Variants in SLC39A14 observed in about 807,000 individuals in gnomAD.
The protein encoded by SLC39A14 is solute carrier family 39 member 14.
Under a neutral mutation model 45.5 loss-of-function variants are expected in SLC39A14, and 19 were observed. That is an observed-to-expected ratio of 0.42 (90% CI 0.29 to 0.61). The LOEUF (loss-of-function observed/expected upper bound fraction) is 0.61, where lower values mean the gene tolerates loss of function less well. Among genes scored for constraint, SLC39A14 ranks in the 20% least tolerant of loss-of-function variants. SLC39A14 has a pLI of 0.22. For missense variants in SLC39A14, 447 were observed against 616.5 expected, an observed-to-expected ratio of 0.73 and a Z score of 2.91; for synonymous variants, 264 against 251.3, an observed-to-expected ratio of 1.05 and a Z score of -0.48.
intron 5 of SLC39A14, chr8:22,415,171 ATAT>A: frequency 2.5e-6 from 1 of 401,728 alleles, no homozygotes; most frequent in South Asian, 3.2e-5. Context: ...TTTCCTTAAT[ATAT>A]TTGTATCTTT....
At chr8:22,423,639 A>C (rs1024599023), downstream of SLC39A14, among the ~76,000 whole-genome samples, 2 of 150,168 alleles carry the variant, frequency 1.3e-5, no homozygotes, top group Non-Finnish European at 3.0e-5. Flanking sequence ...ATGATTTTTG[A>C]ATTTTTAATA....
intron 1 of SLC39A14, among the ~76,000 whole-genome samples, chr8:22,388,715 T>C (rs911135841): frequency 6.6e-6 from 1 of 152,014 alleles, no homozygotes; most frequent in African/African-American, 2.4e-5. Flanking sequence ...AAGCAGAGGA[T>C]GTGGGAAGGC....
intron 1 of SLC39A14, among the ~76,000 whole-genome samples, chr8:22,395,037 G>T (rs1834306435): frequency 1.3e-5 from 2 of 150,012 alleles, no homozygotes; most frequent in African/African-American, 2.5e-5. Context: ...TTGAGACAGA[G>T]TCTCACTCTG....
Position 22,420,058 on chromosome 8 carries a change from T to G in SLC39A14, c.*360T>G, listed in dbSNP as rs546591214. 222 of 1,007,720 alleles carry G rather than the reference T, an allele frequency of 2.2e-4. No individual in the cohort carries two copies. In the African/African-American group the frequency reaches 3.6e-3, roughly 16 times the overall value. 62.4% of individuals were successfully genotyped at this position (1,007,720 alleles called of 1,614,324 possible). On this transcript the variant is annotated 3_prime_UTR_variant, in exon 9 of 9. Coordinates refer to ENST00000381237, the MANE Select transcript of SLC39A14 (RefSeq NM_001128431.4). ...AATCCTTTACCCAACAATGCAAAAA[T>G]AGAGCCAATGGTTATAACTTGGCTA...
intron 4 of SLC39A14, among the ~76,000 whole-genome samples, chr8:22,412,435 C>T (rs1271904688): frequency 6.6e-6 from 1 of 152,204 alleles, no homozygotes; most frequent in South Asian, 2.1e-4. Context: ...CACCACTGAC[C>T]TCACACTGCC....
chr8:22,379,246 C>T (rs984100048), intron 1 of SLC39A14, among the ~76,000 whole-genome samples: 4 of 152,142 alleles, frequency 2.6e-5, no homozygotes, highest in Middle Eastern at 3.2e-3. Context: ...TCTTGACATC[C>T]GTAACTGATT....
At chr8:22,378,028 C>G (rs903408474) in intron 1 of SLC39A14, among the ~76,000 whole-genome samples, 1 of 152,198 alleles carries the variant, frequency 6.6e-6, no homozygotes, top group African/African-American at 2.4e-5. Flanking sequence ...AGAACTGTAG[C>G]CTAATGTTAG....
chr8:22,412,521 GTCTGCTGCAGCAC>G (rs1835633311), intron 4 of SLC39A14, among the ~76,000 whole-genome samples: 1 of 152,224 alleles, frequency 6.6e-6, no homozygotes, highest in African/African-American at 2.4e-5. Flanking sequence ...GAACGAGCGA[GTCTGCTGCAGCAC>G]TGAGTGCCTG....
intron 1 of SLC39A14, among the ~76,000 whole-genome samples, chr8:22,387,518 A>G (rs1404581425): frequency 6.6e-6 from 1 of 152,202 alleles, no homozygotes; most frequent in Non-Finnish European, 1.5e-5. Flanking sequence ...TGAAAGGGCA[A>G]GTGGAAATAC....
At chr8:22,415,568 T>G in intron 5 of SLC39A14, 1 of 530,460 alleles carries the variant, frequency 1.9e-6, no homozygotes, top group Non-Finnish European at 3.3e-6. Context: ...AGTGCTGGGA[T>G]TACAGGTGTG....
intron 1 of SLC39A14, among the ~76,000 whole-genome samples, chr8:22,401,541 T>TC (rs1834858418): frequency 1.6e-5 from 2 of 123,254 alleles, no homozygotes; most frequent in Non-Finnish European, 3.1e-5. Context: ...TCTCTTCTCT[T>TC]TCTTTTTTTT....
chr8:22,377,252 G>A (rs1175664090), intron 1 of SLC39A14, among the ~76,000 whole-genome samples: 1 of 150,950 alleles, frequency 6.6e-6, no homozygotes, highest in Non-Finnish European at 1.5e-5. Flanking sequence ...GTTGTCTCCT[G>A]TGTTCTTCTG....
At chr8:22,368,704 T>C (rs1295317095) in intron 1 of SLC39A14, among the ~76,000 whole-genome samples, 1 of 151,774 alleles carries the variant, frequency 6.6e-6, no homozygotes, top group Non-Finnish European at 1.5e-5. Context: ...GCCCGGCTAA[T>C]TTTTTGTATT....
chr8:22,396,768 A>C (rs1373802319), intron 1 of SLC39A14, among the ~76,000 whole-genome samples: 1 of 151,782 alleles, frequency 6.6e-6, no homozygotes, highest in African/African-American at 2.4e-5. Flanking sequence ...GAAGAGGAAA[A>C]AGACTTCCTC....
At chr8:22,393,198 G>A (rs1834177137) in intron 1 of SLC39A14, 3 of 985,754 alleles carry the variant, frequency 3.0e-6, no homozygotes, top group South Asian at 9.4e-5. Flanking sequence ...GGTCCTGGGA[G>A]CAGGAGCTGG....
At chr8:22,423,288 C>T (rs543997326), downstream of SLC39A14, among the ~76,000 whole-genome samples, 1 of 151,744 alleles carries the variant, frequency 6.6e-6, no homozygotes, top group East Asian at 1.9e-4. Context: ...GGACTACAGG[C>T]ATGTAGTACC....
At chr8:22,385,106 A>C (rs1833722225) in intron 1 of SLC39A14, among the ~76,000 whole-genome samples, 1 of 152,096 alleles carries the variant, frequency 6.6e-6, no homozygotes, top group Admixed American at 6.5e-5. Context: ...ACTCCACCTT[A>C]ATGTTTTACA....
downstream of SLC39A14, among the ~76,000 whole-genome samples, chr8:22,423,786 T>TCTCTCTCTCTCTCTCTCTC (rs1836330961): frequency 1.6e-5 from 2 of 122,170 alleles, no homozygotes; most frequent in Non-Finnish European, 3.5e-5. Flanking sequence ...TTTAATTGGT[T>TCTCTCTCTCTCTCTCTCTC]TCTCTCTCTC....
chr8:22,424,669 G>A (rs1024828812), downstream of SLC39A14, among the ~76,000 whole-genome samples: 1 of 152,022 alleles, frequency 6.6e-6, no homozygotes, highest in Non-Finnish European at 1.5e-5. Flanking sequence ...ATTCCTTCTG[G>A]GTGGAGGGCG....
Sources: allele counts gnomAD v4.1 joint callset (sites outside exome capture counted in the v4.1 genomes callset), GRCh38; gene constraint gnomAD v4.1.1; transcripts MANE v1.5; gene names NCBI Gene and HGNC (gene_info 2026-07-23, HGNC 2026-07-21).